ZNF429: variants seen among roughly 807,000 people sequenced by gnomAD.
ZNF429 encodes the protein zinc finger protein 429.
A neutral mutation model predicts 56.8 loss-of-function variants in ZNF429; 53 were observed. The ratio of observed to expected loss-of-function variants is 0.93; its 90% CI spans 0.75 to 1.17. ZNF429 has a LOEUF of 1.17. Ranked by LOEUF, ZNF429 falls within the 50% of genes most tolerant of loss-of-function variation. The pLI, the probability that ZNF429 is intolerant of heterozygous loss-of-function variation, is 0.00. For missense variants in ZNF429, 849 were observed against 788.4 expected (o/e 1.08, Z -0.92); for synonymous variants, 278 against 264.7 (o/e 1.05, Z -0.49).
Position 21,505,751 on chromosome 19 carries a change from G to T in ZNF429, c.-21G>T, listed in dbSNP as rs765494665. ...TGGGAGATACACAGCTAAGACTCCA[G>T]GACCCCCTGGAAGCCTAGAAATGGT... is the stretch of plus-strand genomic sequence containing the variant. On this transcript the variant is annotated 5_prime_UTR_variant, in exon 1 of 4. In the 5' UTR this introduces an upstream ATG that the reference lacks. Transcript: ENST00000358491. 6.2e-7 allele frequency: 1 copy of T among 1,610,144 alleles called. No individual in the cohort carries two copies. Among genetic ancestry groups the T allele is most frequent in the East Asian group, 2.2e-5 (1 of 44,684 alleles).
chr19:21,518,328 C>T (rs1373141642), intron 1 of ZNF429, among the ~76,000 whole-genome samples: 1 of 95,156 alleles, frequency 1.1e-5, no homozygotes, highest in South Asian at 3.0e-4. Flanking sequence ...GATCTTTCTA[C>T]CTTTTTCATG....
chr19:21,509,847 A>G (rs953705006), intron 1 of ZNF429, among the ~76,000 whole-genome samples: 1 of 152,220 alleles, frequency 6.6e-6, no homozygotes, highest in African/African-American at 2.4e-5. Flanking sequence ...AGGAAATACC[A>G]ACCATAAGAG....
rs780573587 is a variant in ZNF429, at chr19:21,536,425, GC to G, written c.373del (p.Leu125TyrfsTer13). 2 of 1,613,740 alleles carry G rather than the reference GC, an allele frequency of 1.2e-6. No individual in the cohort carries two copies. Among genetic ancestry groups the G allele is most frequent in the South Asian group, 2.2e-5 (2 of 91,076 alleles). On this transcript the variant is annotated frameshift_variant, in exon 4 of 4. Coordinates refer to ENST00000358491, the MANE Select transcript of ZNF429 (RefSeq NM_001001415.4). LOFTEE classifies it high-confidence loss of function. ...GCTATAAAACTGTAGGTGATTGTAAGCTATACAAAGGAGGTTATAATGGACT... is the reference window on the plus strand; with the variant it reads ...GCTATAAAACTGTAGGTGATTGTAAGTATACAAAGGAGGTTATAATGGACT... Reference protein sequence around the residue: ...KGYKTVGDCKLYKGGYNGLNQ... With the variant: ...KGYKTVGDCKXYKGGYNGLNQ...
chr19:21,523,835 C>T (rs113857223), intron 1 of ZNF429, among the ~76,000 whole-genome samples: 1,542 of 151,870 alleles, frequency 0.01, 27 homozygotes, highest in African/African-American at 0.035. Context: ...TGTGCCAGAG[C>T]AGCCTCTATG....
Position 21,536,364 on chromosome 19 carries a change from A to G in ZNF429, c.311A>G (p.Asp104Gly). ...SFQKVTLRRY[D>G]KRGHENLQLR... ...CAAAAAGTGACACTGAGGAGATATG[A>G]TAAACGTGGACATGAGAACTTACAA... Residue 104 changes from aspartate (D) to glycine (G), a missense_variant, in exon 4 of 4, where the codon GAT (aspartate) becomes GGT (glycine). By Grantham distance (94) the Asp-to-Gly change is moderately conservative. Coordinates refer to ENST00000358491, the MANE Select transcript of ZNF429 (RefSeq NM_001001415.4). 6.2e-7 allele frequency: 1 copy of G among 1,613,888 alleles called. No homozygotes were observed. Among genetic ancestry groups the G allele is most frequent in the Non-Finnish European group, 8.5e-7 (1 of 1,179,894 alleles).
chr19:21,531,123 A>C lies in ZNF429; in HGVS notation c.226+439A>C. On this transcript the variant is annotated intron_variant, in intron 3 of 3. Transcript: ENST00000358491. ...CTCCATCTCAAAAAAAAAAAAAAAA[A>C]AAAAAACCAAAAAAAAAAAAACACC... 1.0e-3 allele frequency among the ~76,000 whole-genome samples: 97 copies of C among 93,348 alleles called. 1 individual carries two copies. The highest frequency in any genetic ancestry group is 4.2e-3 in the African/African-American group (90 of 21,458). 61.2% of individuals were successfully genotyped at this position (93,348 alleles called of 152,430 possible).
At chr19:21,513,854 A>G (rs924348256) in intron 1 of ZNF429, among the ~76,000 whole-genome samples, 36 of 152,130 alleles carry the variant, frequency 2.4e-4, no homozygotes, top group African/African-American at 8.4e-4. Flanking sequence ...ACCCACTCAC[A>G]TACACACCCA....
Position 21,505,787 on chromosome 19 carries a change from A to G in ZNF429, c.3+13A>G, listed in dbSNP as rs376832656. 9 of 1,611,488 alleles carry G rather than the reference A, an allele frequency of 5.6e-6. No homozygotes were observed. Among genetic ancestry groups the G allele is most frequent in the African/African-American group, 1.3e-5 (1 of 74,812 alleles). ...AAGCCTAGAAATGGTGAGAGTGCCG[A>G]GTCTGACATCCCCAGAGAGGGGGAG... is the stretch of plus-strand genomic sequence containing the variant. On this transcript the variant is annotated intron_variant, in intron 1 of 3. Transcript: ENST00000358491.
At chr19:21,531,136 A>AAAAAAACAAAAC in intron 3 of ZNF429, among the ~76,000 whole-genome samples, 1 of 130,108 alleles carries the variant, frequency 7.7e-6, no homozygotes, top group Non-Finnish European at 1.6e-5. Context: ...AAAACCAAAA[A>AAAAAAACAAAAC]AAAAAAAACA....
At position 21,536,546 on chromosome 19, in the gene ZNF429, A is replaced by G. The variant is rs371843132; in HGVS notation, c.493A>G (p.Thr165Ala). ...YAFSNADRYK[T>A]RHTGKKPFQC... Reference sequence around the variant, plus strand: ...ATTTTCAAATGCAGATAGATACAAGACAAGACATACTGGAAAGAAACCTTT... The same window carrying G: ...ATTTTCAAATGCAGATAGATACAAGGCAAGACATACTGGAAAGAAACCTTT... The change falls in exon 4 of 4, where the codon ACA (threonine) becomes GCA (alanine). Residue 165 changes from threonine (T) to alanine (A), a missense_variant. Thr to Ala is a moderately conservative substitution (Grantham distance 58). Coordinates refer to ENST00000358491, the MANE Select transcript of ZNF429 (RefSeq NM_001001415.4). 74 of 1,613,584 alleles carry G rather than the reference A, an allele frequency of 4.6e-5. No homozygotes were observed. The highest frequency in any genetic ancestry group is 5.8e-5 in the Non-Finnish European group (69 of 1,179,850).
intron 2 of ZNF429, 88 bp downstream of exon 2, chr19:21,529,872 T>A: frequency 1.0e-6 from 1 of 972,936 alleles, no homozygotes; most frequent in Non-Finnish European, 1.4e-6. Flanking sequence ...AATTTATGCT[T>A]TGCATAAATG....
At position 21,511,240 on chromosome 19, in the gene ZNF429, G is replaced by T. The variant is rs546888263; in HGVS notation, c.3+5466G>T. 1.1e-4 allele frequency among the ~76,000 whole-genome samples: 17 copies of T among 152,088 alleles called. No individual in the cohort carries two copies. The South Asian group carries it at 3.5e-3, about 32-fold the overall frequency. On this transcript the variant is annotated intron_variant, in intron 1 of 3. Transcript: ENST00000358491. ...CCCCACCTCCCTCCCGGACGGGGCGGCTGGCCCGGTGGGGGGCTGACCCCC... is the reference window on the plus strand; with the variant it reads ...CCCCACCTCCCTCCCGGACGGGGCGTCTGGCCCGGTGGGGGGCTGACCCCC...
In ZNF429 at chr19:21,535,392, T is replaced by A; in HGVS notation, c.227-888T>A. Among the ~76,000 whole-genome samples, 5 of 47,554 alleles carry A rather than the reference T, an allele frequency of 1.1e-4. 1 individual carries two copies. The East Asian group carries it at 1.3e-3, about 12-fold the overall frequency. 31.2% of individuals were successfully genotyped at this position (47,554 alleles called of 152,430 possible). On this transcript the variant is annotated intron_variant, in intron 3 of 3. Transcript: ENST00000358491. ...TTCTTTCTTTCTTTTTTACTTTCTT[T>A]CTTTCTTTCTTTCTTTTTCTTTTCT...
In ZNF429 at chr19:21,538,702, A is replaced by G. The variant is rs2145495659; in HGVS notation, c.*624A>G. Reference sequence around the variant, plus strand: ...TCGTTTTAACTAATGCTCACATCTTATTGCATAGAAAAGCATTTATACCTG... The same window carrying G: ...TCGTTTTAACTAATGCTCACATCTTGTTGCATAGAAAAGCATTTATACCTG... On this transcript the variant is annotated 3_prime_UTR_variant, in exon 4 of 4. Transcript: ENST00000358491. 1 of 152,392 alleles carries G rather than the reference A, an allele frequency of 6.6e-6. No homozygotes were observed. Among genetic ancestry groups the G allele is most frequent in the East Asian group, 1.9e-4 (1 of 5,198 alleles). 9.4% of individuals were successfully genotyped at this position (152,392 alleles called of 1,614,324 possible). A position where few individuals can be genotyped will look rare whatever the true frequency, so the allele number is the denominator to read the frequency against.
Position 21,538,068 on chromosome 19 carries a change from G to C in ZNF429, c.2015G>C (p.Arg672Pro), listed in dbSNP as rs201032310. 1 of 1,249,292 alleles carries C rather than the reference G, an allele frequency of 8.0e-7. No homozygotes were observed. The highest frequency in any genetic ancestry group is 1.1e-6 in the Non-Finnish European group (1 of 878,644). 77.4% of individuals were successfully genotyped at this position (1,249,292 alleles called of 1,614,324 possible). A position where few individuals can be genotyped will look rare whatever the true frequency, so the allele number is the denominator to read the frequency against. ...ATCACGAGGTCAGGAGATCGAGACCGTCCTGGCTAACATGGTGAAACCCCG... is the reference window on the plus strand; with the variant it reads ...ATCACGAGGTCAGGAGATCGAGACCCTCCTGGCTAACATGGTGAAACCCCG... ...GRITRSGDRD[R>P]PG The change falls in exon 4 of 4, where the codon CGT becomes CCT. Residue 672 changes from arginine to proline, a missense_variant. Arg to Pro is a moderately radical substitution (Grantham distance 103). Transcript: ENST00000358491.
chr19:21,510,273 T>C (rs8113259), intron 1 of ZNF429, among the ~76,000 whole-genome samples: 9,052 of 152,216 alleles, frequency 0.059, 332 homozygotes, highest in Middle Eastern at 0.11. Context: ...GAGGTCAGCA[T>C]GTTCTTAGAA....
Position 21,535,454 on chromosome 19 carries a change from TTC to T in ZNF429, c.227-824_227-823del. On this transcript the variant is annotated intron_variant, in intron 3 of 3. Coordinates refer to ENST00000358491, the MANE Select transcript of ZNF429 (RefSeq NM_001001415.4). ...TTTCTTTCTTTCTTTCTTTCTTTCTTTCTTTCTTTCTTTCTTTCTTTCTTTCT... is the reference window on the plus strand; with the variant it reads ...TTTCTTTCTTTCTTTCTTTCTTTCTTTTTCTTTCTTTCTTTCTTTCTTTCT... Among the ~76,000 whole-genome samples, 524 of 111,480 alleles carry T rather than the reference TTC, an allele frequency of 4.7e-3. 42 individuals carry two copies. Among genetic ancestry groups the T allele is most frequent in the Non-Finnish European group, 5.3e-3 (302 of 56,816 alleles). 73.1% of individuals were successfully genotyped at this position (111,480 alleles called of 152,430 possible).
intron 1 of ZNF429, among the ~76,000 whole-genome samples, chr19:21,506,435 A>G (rs1233759433): frequency 8.3e-6 from 1 of 120,048 alleles, no homozygotes; most frequent in Non-Finnish European, 1.7e-5. Context: ...CAATGAGACT[A>G]TCTCAAACAA....
chr19:21,518,384 G>T (rs1437179673), intron 1 of ZNF429, among the ~76,000 whole-genome samples: 1 of 85,128 alleles, frequency 1.2e-5, no homozygotes, highest in African/African-American at 6.7e-5. Context: ...CACATTAGCT[G>T]TGTTGGAGAG....
Sources: gnomAD v4.1 joint callset for allele counts (sites outside exome capture counted in the v4.1 genomes callset) on GRCh38, gnomAD v4.1.1 for gene constraint, MANE v1.5 for transcripts, NCBI Gene and HGNC (gene_info 2026-07-23, HGNC 2026-07-21) for gene names.